The following ASAH2 variants were observed in gnomAD, a reference collection of about 807,000 sequenced individuals.
ASAH2 encodes the protein neutral ceramidase.
ASAH2 carries 58 observed loss-of-function variants against 82.9 expected under a neutral mutation model. The observed-to-expected ratio is 0.70, with a 90% CI of 0.57 to 0.87. The LOEUF (loss-of-function observed/expected upper bound fraction) is 0.87, where lower values mean the gene tolerates loss of function less well. Ranked by LOEUF, ASAH2 falls within the 40% of genes least tolerant of loss-of-function variation. ASAH2 has a pLI of 0.00. For synonymous variants in ASAH2, 276 were observed against 289.7 expected, an observed-to-expected ratio of 0.95 and a Z score of 0.48; for missense variants, 779 against 834.0, an observed-to-expected ratio of 0.93 and a Z score of 0.81.
chr10:50,249,236 G>T (rs10825493), intron 1 of ASAH2, among the ~76,000 whole-genome samples: 1 of 151,962 alleles, frequency 6.6e-6, no homozygotes, highest in Admixed American at 6.6e-5. Context: ...CCTCTGGTCT[G>T]AAGGCAGGCA....
intron 4 of ASAH2, among the ~76,000 whole-genome samples, chr10:50,241,384 C>T (rs1174590520): frequency 6.6e-6 from 1 of 152,078 alleles, no homozygotes. Flanking sequence ...CTGTGTATCT[C>T]TATATTTCAT....
intron 12 of ASAH2, among the ~76,000 whole-genome samples, chr10:50,210,371 G>A (rs1177378931): frequency 6.6e-6 from 1 of 152,024 alleles, no homozygotes; most frequent in Non-Finnish European, 1.5e-5. Context: ...GTGGTGGCAG[G>A]TGCCTGTAGT....
At chr10:50,212,625 T>G (rs1845486159) in intron 10 of ASAH2, among the ~76,000 whole-genome samples, 1 of 152,176 alleles carries the variant, frequency 6.6e-6, no homozygotes, top group African/African-American at 2.4e-5. Context: ...TCTGAGAATT[T>G]GAATCAATCT....
intron 20 of ASAH2, among the ~76,000 whole-genome samples, 165 bp downstream of exon 20, chr10:50,189,324 AAAAATGAATC>A (rs1195538432): frequency 7.6e-6 from 1 of 131,212 alleles, no homozygotes; most frequent in Non-Finnish European, 1.6e-5. Flanking sequence ...TGTTTTGCAG[AAAAATGAATC>A]AAAATGAAAT....
intron 2 of ASAH2, among the ~76,000 whole-genome samples, chr10:50,247,324 T>A (rs1311621494): frequency 1.5e-4 from 1 of 6,758 alleles, no homozygotes; most frequent in Admixed American, 1.2e-3. Context: ...CAAACAGCTA[T>A]TTTTTTTTTT....
In ASAH2 at chr10:50,206,039, T is replaced by A; in HGVS notation, c.1473A>T (p.Pro491=). The change falls in exon 13 of 21, where the codon CCA becomes CCT. Residue 491 remains proline, a synonymous_variant. Transcript: ENST00000682911. ...DTIRDQILGK[P]SEEIKECHKP... Reference sequence around the variant, plus strand: ...TATGACATTCTTTAATTTCTTCAGATGGCTTTCCCAGGATCTGGTCCCGAA... The same window carrying A: ...TATGACATTCTTTAATTTCTTCAGAAGGCTTTCCCAGGATCTGGTCCCGAA... The A allele has an allele frequency of 6.2e-7, 1 of 1,612,736 alleles. No individual in the cohort carries two copies. The highest frequency in any genetic ancestry group is 2.2e-5 in the East Asian group (1 of 44,826).
At chr10:50,211,709 A>G (rs1589331795) in intron 10 of ASAH2, among the ~76,000 whole-genome samples, 1 of 152,298 alleles carries the variant, frequency 6.6e-6, no homozygotes, top group East Asian at 1.9e-4. Flanking sequence ...AAGTTTAAAA[A>G]ACTCTTTGTT....
At chr10:50,229,558 G>A (rs1845975445) in intron 7 of ASAH2, among the ~76,000 whole-genome samples, 1 of 152,064 alleles carries the variant, frequency 6.6e-6, no homozygotes, top group South Asian at 2.1e-4. Flanking sequence ...CCCAACCCAA[G>A]TTTGAAACAC....
chr10:50,197,232 G>A (rs1418799503), intron 17 of ASAH2, among the ~76,000 whole-genome samples: 3 of 151,870 alleles, frequency 2.0e-5, no homozygotes, highest in Non-Finnish European at 2.9e-5. Flanking sequence ...ACTTTGTACA[G>A]GGGCCTAACA....
chr10:50,199,022 G>A (rs1259518635), intron 17 of ASAH2, 29 bp downstream of exon 17: 32 of 1,605,650 alleles, frequency 2.0e-5, no homozygotes, highest in Admixed American at 1.5e-4. Context: ...ACGCACGCGC[G>A]CATGCACGCA....
intron 5 of ASAH2, among the ~76,000 whole-genome samples, chr10:50,234,991 A>G (rs1846118632): frequency 6.6e-6 from 1 of 152,096 alleles, no homozygotes; most frequent in Non-Finnish European, 1.5e-5. Flanking sequence ...TTGACAGTGA[A>G]CTACAGTGAG....
chr10:50,250,650 C>A (rs10508920), intron 1 of ASAH2, among the ~76,000 whole-genome samples: 1 of 152,152 alleles, frequency 6.6e-6, no homozygotes, highest in African/African-American at 2.4e-5. Flanking sequence ...TCCTACTAGC[C>A]AAGATGACTG....
At chr10:50,221,896 T>C (rs1454872880) in intron 7 of ASAH2, among the ~76,000 whole-genome samples, 1 of 152,092 alleles carries the variant, frequency 6.6e-6, no homozygotes, top group Non-Finnish European at 1.5e-5. Context: ...CCTTGAGACA[T>C]GCTTCACAAA....
chr10:50,235,848 C>T, intron 5 of ASAH2, 40 bp downstream of exon 5: 2 of 1,601,732 alleles, frequency 1.2e-6, no homozygotes, highest in Non-Finnish European at 1.7e-6. Context: ...TACCTGTAAG[C>T]AATGGTAAAG....
chr10:50,221,544 A>G (rs1363180385), intron 7 of ASAH2, among the ~76,000 whole-genome samples: 1 of 152,090 alleles, frequency 6.6e-6, no homozygotes, highest in Non-Finnish European at 1.5e-5. Context: ...TTCTGCAACT[A>G]AGAAAACTAA....
At chr10:50,235,737 T>C (rs1221625903) in intron 5 of ASAH2, 151 bp downstream of exon 5, 4 of 836,164 alleles carry the variant, frequency 4.8e-6, no homozygotes, top group Non-Finnish European at 5.9e-6. Flanking sequence ...AACAAGAAGC[T>C]AAGATAGAGT....
At chr10:50,199,021 C>A in intron 17 of ASAH2, 30 bp downstream of exon 17, 1 of 1,598,288 alleles carries the variant, frequency 6.3e-7, no homozygotes, top group Admixed American at 1.7e-5. Context: ...CACGCACGCG[C>A]GCATGCACGC....
At chr10:50,209,500 C>A (rs1289333091) in intron 12 of ASAH2, among the ~76,000 whole-genome samples, 2 of 151,314 alleles carry the variant, frequency 1.3e-5, no homozygotes, top group Non-Finnish European at 3.0e-5. Context: ...CAGGCGTGCA[C>A]CACCATGTCT....
chr10:50,203,054 A>C (rs2133200963), intron 15 of ASAH2, 130 bp from the exon 16 acceptor site: 1 of 696,972 alleles, frequency 1.4e-6, no homozygotes, highest in East Asian at 2.7e-5. Context: ...AAATTTTTCT[A>C]ACTCTGCACT....
Sources: allele counts gnomAD v4.1 joint callset (sites outside exome capture counted in the v4.1 genomes callset), GRCh38; gene constraint gnomAD v4.1.1; transcripts MANE v1.5; gene names NCBI Gene and HGNC (gene_info 2026-07-23, HGNC 2026-07-21).